WWOX: variants seen among roughly 807,000 people sequenced by gnomAD.
WWOX encodes WW domain containing oxidoreductase.
In WWOX, 69 loss-of-function variants were observed where a neutral mutation model predicts 46.2. The observed-to-expected ratio is 1.49, with a 90% confidence interval of 1.23 to 1.82. WWOX has a LOEUF of 1.82. Ranked by LOEUF, WWOX falls within the 40% of genes most tolerant of loss-of-function variation. The pLI is 0.00. For missense variants in WWOX, 919 were observed against 542.6 expected (o/e 1.69, Z -6.89); for synonymous variants, 359 against 202.6 (o/e 1.77, Z -6.56).
intron 8 of WWOX, chr16:78,535,032 C>G (rs138054119): frequency 2.0e-5 from 3 of 152,200 alleles, no homozygotes; most frequent in African/African-American, 7.2e-5. Flanking sequence ...TATTTTAAGA[C>G]TATACACTGA....
At chr16:78,936,322 G>C (rs1009747762) in intron 8 of WWOX, among the ~76,000 whole-genome samples, 1 of 152,146 alleles carries the variant, frequency 6.6e-6, no homozygotes, top group Non-Finnish European at 1.5e-5. Flanking sequence ...CATCCCAAGC[G>C]AGTTTTCCCT....
chr16:78,427,114 G>T (rs978370651), intron 7 of WWOX, among the ~76,000 whole-genome samples: 1 of 152,170 alleles, frequency 6.6e-6, no homozygotes, highest in Non-Finnish European at 1.5e-5. Flanking sequence ...CACTACCCAA[G>T]AACTCAGGGC....
intron 8 of WWOX, among the ~76,000 whole-genome samples, chr16:79,196,054 C>T (rs1457276909): frequency 3.3e-5 from 5 of 152,232 alleles, no homozygotes; most frequent in Non-Finnish European, 7.4e-5. Context: ...CAGTAGGAAC[C>T]TGTTTGCATG....
chr16:78,889,875 A>G (rs1054999327), intron 8 of WWOX, among the ~76,000 whole-genome samples: 1 of 152,194 alleles, frequency 6.6e-6, no homozygotes, highest in Non-Finnish European at 1.5e-5. Flanking sequence ...ATAGTTTATG[A>G]TGAATTTTCT....
intron 2 of WWOX, 76 bp downstream of exon 2, chr16:78,108,563 C>T: frequency 1.3e-6 from 2 of 1,542,948 alleles, no homozygotes; most frequent in Middle Eastern, 1.7e-4. Flanking sequence ...AGAGAGGTGA[C>T]AGGTTATTGT....
intron 8 of WWOX, among the ~76,000 whole-genome samples, chr16:78,838,049 G>T (rs2052037413): frequency 6.6e-6 from 1 of 152,110 alleles, no homozygotes; most frequent in Non-Finnish European, 1.5e-5. Context: ...ACAGTTAGAG[G>T]CCAGGAACCC....
At chr16:78,432,442 G>C in intron 7 of WWOX, 46 bp from the exon 8 acceptor site, 1 of 1,608,254 alleles carries the variant, frequency 6.2e-7, no homozygotes, top group Non-Finnish European at 8.5e-7. Flanking sequence ...AAGCTGTGTG[G>C]GAAGTCAGAA....
intron 4 of WWOX, among the ~76,000 whole-genome samples, chr16:78,139,400 C>G (rs910646768): frequency 6.6e-5 from 10 of 152,126 alleles, no homozygotes; most frequent in Admixed American, 4.6e-4. Context: ...AATCCCAGTA[C>G]TTTGGGAGGC....
chr16:78,476,342 A>C (rs1597138744), intron 8 of WWOX, among the ~76,000 whole-genome samples: 1 of 151,460 alleles, frequency 6.6e-6, no homozygotes, highest in Admixed American at 6.6e-5. Context: ...CATTCTCAGC[A>C]AACTGTTGCA....
chr16:78,629,872 T>C (rs2046388077), intron 8 of WWOX, among the ~76,000 whole-genome samples: 4 of 152,232 alleles, frequency 2.6e-5, no homozygotes, highest in Admixed American at 2.6e-4. Flanking sequence ...AGTTTTAGTT[T>C]TTAGAAAATT....
intron 8 of WWOX, among the ~76,000 whole-genome samples, chr16:79,094,037 C>T (rs2049018262): frequency 6.6e-6 from 1 of 152,172 alleles, no homozygotes; most frequent in Non-Finnish European, 1.5e-5. Flanking sequence ...CATGGGGTCA[C>T]TCAGAAGTAG....
intron 4 of WWOX, among the ~76,000 whole-genome samples, chr16:78,120,166 C>G (rs922882341): frequency 2.0e-5 from 3 of 152,004 alleles, no homozygotes; most frequent in African/African-American, 7.3e-5. Context: ...TTACATGGAC[C>G]TATATATATG....
chr16:78,516,128 C>T (rs1208336864), intron 8 of WWOX, among the ~76,000 whole-genome samples: 1 of 152,128 alleles, frequency 6.6e-6, no homozygotes, highest in Non-Finnish European at 1.5e-5. Flanking sequence ...TTGGCGTGCC[C>T]CTTTCTTTCC....
rs146271333 is a variant in WWOX at position 78,907,655 on chromosome 16, C to A, written c.1057-303953C>A. ...CACGGTCATAATTTTCTTACTCTTA[C>A]AATTTTTGCAAAGGCAGTTTTAATA... On this transcript the variant is annotated intron_variant, in intron 8 of 8. Transcript: ENST00000566780. Among the ~76,000 whole-genome samples, 197 of 152,322 alleles carry A rather than the reference C, an allele frequency of 1.3e-3. 1 individual carries two copies. The Middle Eastern group carries it at 0.014, about 11-fold the overall frequency.
chr16:78,225,016 G>A (rs1308590293), intron 5 of WWOX, among the ~76,000 whole-genome samples: 1 of 152,140 alleles, frequency 6.6e-6, no homozygotes, highest in Non-Finnish European at 1.5e-5. Context: ...TTAACCTGTG[G>A]TTATGTATAT....
At chr16:78,734,583 T>C (rs76354541) in intron 8 of WWOX, among the ~76,000 whole-genome samples, 6,313 of 152,174 alleles carry the variant, frequency 0.041, 321 homozygotes, top group Admixed American at 0.14. Flanking sequence ...TAACTGAACC[T>C]GATGGTTAGT....
At chr16:78,632,557 A>ATTGTTT (rs2046459752) in intron 8 of WWOX, among the ~76,000 whole-genome samples, 1 of 74,758 alleles carries the variant, frequency 1.3e-5, no homozygotes, top group Non-Finnish European at 2.4e-5. Flanking sequence ...TACTTGGCCA[A>ATTGTTT]TTTTTTTTTT....
In WWOX at chr16:78,341,605, G is replaced by C. The variant is rs539421911; in HGVS notation, c.517-45255G>C. Among the ~76,000 whole-genome samples the C allele has an allele frequency of 1.0e-4, 12 of 119,652 alleles. 4 individuals carry two copies. Among genetic ancestry groups the C allele is most frequent in the Non-Finnish European group, 2.0e-4 (10 of 50,294 alleles). The allele number at this position is 119,652 out of a possible 152,430, so 78.5% of individuals were successfully genotyped here. A position where few individuals can be genotyped will look rare whatever the true frequency, so the allele number is the denominator to read the frequency against. ...ACTATTGTCACTGAGGGAGTGGACA[G>C]GAAGTGATGCTGAGATAAGTCTAGA... On this transcript the variant is annotated intron_variant, in intron 5 of 8. Transcript: ENST00000566780.
intron 7 of WWOX, 140 bp downstream of exon 7, chr16:78,425,195 T>C: frequency 8.7e-7 from 1 of 1,148,082 alleles, no homozygotes; most frequent in Admixed American, 2.1e-5. Flanking sequence ...CACTTAATTT[T>C]TCCAGGTCTT....
Sources: allele counts gnomAD v4.1 joint callset (sites outside exome capture counted in the v4.1 genomes callset), GRCh38; gene constraint gnomAD v4.1.1; transcripts MANE v1.5; gene names NCBI Gene and HGNC (gene_info 2026-07-23, HGNC 2026-07-21).